The following ETS1 variants were observed in gnomAD, a reference collection of about 807,000 sequenced individuals.
The protein encoded by ETS1 is ETS proto-oncogene 1, transcription factor, also known as protein C-ets-1.
ETS1 carries 15 observed loss-of-function variants against 58.6 expected under a neutral mutation model. That is an observed-to-expected ratio of 0.26 (90% confidence interval 0.17 to 0.39). The LOEUF (loss-of-function observed/expected upper bound fraction) is 0.39, where lower values mean the gene tolerates loss of function less well. Ranked by LOEUF, ETS1 falls within the 10% of genes least tolerant of loss-of-function variation. The pLI, the probability that ETS1 is intolerant of heterozygous loss-of-function variation, is 1.00. For synonymous variants in ETS1, 214 were observed against 218.2 expected (o/e 0.98, Z 0.17); for missense variants, 417 against 610.5 (o/e 0.68, Z 3.34).
At chr11:128,490,320 C>T (rs1862761248) in intron 4 of ETS1, 137 bp downstream of exon 4, 2 of 833,216 alleles carry the variant, frequency 2.4e-6, no homozygotes, top group Non-Finnish European at 1.9e-6. Context: ...ATTGTCCTAA[C>T]AGATGGCAGC....
intron 1 of ETS1, among the ~76,000 whole-genome samples, chr11:128,585,502 C>A (rs576537741): frequency 1.3e-5 from 2 of 152,300 alleles, no homozygotes; most frequent in Admixed American, 1.3e-4. Flanking sequence ...CAAGGTACAT[C>A]AGAACCTCAG....
rs116799516 is a variant in ETS1 at position 128,496,197 on chromosome 11, T to A, written c.215-5621A>T. On this transcript the variant is annotated intron_variant, in intron 3 of 9. Coordinates refer to ENST00000392668, the MANE Select transcript of ETS1 (RefSeq NM_001143820.2). ...CTCATGCTTAAATCTAGGTCTATAT[T>A]TCATGCATTGGCCCACTTGAACCAC... 6.5e-3 allele frequency among the ~76,000 whole-genome samples: 988 copies of A among 152,192 alleles called. 7 individuals carry two copies. The highest frequency in any genetic ancestry group is 0.022 in the African/African-American group (912 of 41,514).
intron 3 of ETS1, among the ~76,000 whole-genome samples, chr11:128,499,939 A>G (rs556267707): frequency 6.6e-6 from 1 of 152,222 alleles, no homozygotes; most frequent in Non-Finnish European, 1.5e-5. Flanking sequence ...TTTAGGCTGG[A>G]AGAGGTAAAG....
chr11:128,466,128 G>A lies in ETS1; in HGVS notation c.1124-2501C>T, dbSNP rs1862027494. Among the ~76,000 whole-genome samples the A allele has an allele frequency of 2.6e-5, 4 of 152,182 alleles. No homozygotes were observed. In the South Asian group the frequency reaches 6.2e-4, roughly 24 times the overall value. The stretch of plus-strand genomic sequence containing the variant: ...TAGCCAGTGGTTCTCCCAGTCATCC[G>A]ACCACCAGTGGCCGTGCCAGGCCCC... On this transcript the variant is annotated intron_variant, in intron 8 of 9. Coordinates refer to ENST00000392668, the MANE Select transcript of ETS1 (RefSeq NM_001143820.2).
At chr11:128,539,378 G>A (rs1306503895) in intron 3 of ETS1, among the ~76,000 whole-genome samples, 1 of 152,092 alleles carries the variant, frequency 6.6e-6, no homozygotes, top group Admixed American at 6.6e-5. Flanking sequence ...ATTTAAAAAC[G>A]GGCCAAGGAT....
intron 4 of ETS1, 134 bp downstream of exon 4, chr11:128,490,323 A>G: frequency 1.2e-6 from 1 of 845,202 alleles, no homozygotes; most frequent in Non-Finnish European, 1.9e-6. Flanking sequence ...GTCCTAACAG[A>G]TGGCAGCCAT....
At chr11:128,496,620 G>A (rs1190881116) in intron 3 of ETS1, among the ~76,000 whole-genome samples, 1 of 152,160 alleles carries the variant, frequency 6.6e-6, no homozygotes, top group Non-Finnish European at 1.5e-5. Context: ...TGGTCTACAA[G>A]AGGATTCTCC....
At chr11:128,577,377 T>G (rs1301470645) in intron 1 of ETS1, among the ~76,000 whole-genome samples, 1 of 152,218 alleles carries the variant, frequency 6.6e-6, no homozygotes, top group Non-Finnish European at 1.5e-5. Context: ...TCACCGCATA[T>G]GAATAGCAGC....
chr11:128,501,895 C>T (rs1490391803), intron 3 of ETS1, among the ~76,000 whole-genome samples: 2 of 152,108 alleles, frequency 1.3e-5, no homozygotes, highest in Non-Finnish European at 1.5e-5. Context: ...GTTCTCCCCT[C>T]GAGTTTCTAA....
intron 3 of ETS1, among the ~76,000 whole-genome samples, chr11:128,493,138 A>G (rs541875178): frequency 1.3e-5 from 2 of 152,346 alleles, no homozygotes; most frequent in African/African-American, 4.8e-5. Flanking sequence ...GTTCTGCTGT[A>G]GCGGGAACTG....
chr11:128,571,515 A>AGC (rs1864632745), intron 2 of ETS1, among the ~76,000 whole-genome samples: 7 of 9,096 alleles, frequency 7.7e-4, no homozygotes, highest in African/African-American at 2.5e-3. Context: ...AAAAAAAAAA[A>AGC]AAAAAAAAAA....
chr11:128,481,842 C>A (rs917643165), intron 7 of ETS1, among the ~76,000 whole-genome samples: 2 of 152,110 alleles, frequency 1.3e-5, no homozygotes, highest in Admixed American at 1.3e-4. Flanking sequence ...TTTAAAGATC[C>A]GGATAAAATG....
At chr11:128,570,459 C>T (rs1289958317) in intron 2 of ETS1, among the ~76,000 whole-genome samples, 1 of 152,084 alleles carries the variant, frequency 6.6e-6, no homozygotes, top group Non-Finnish European at 1.5e-5. Context: ...CCAGGCTGGT[C>T]TCAAACTCCT....
intron 3 of ETS1, among the ~76,000 whole-genome samples, chr11:128,514,655 G>C (rs891968509): frequency 1.3e-5 from 2 of 152,032 alleles, no homozygotes; most frequent in Non-Finnish European, 2.9e-5. Context: ...GTAAACACTG[G>C]TCCTCCTGCA....
intron 3 of ETS1, among the ~76,000 whole-genome samples, chr11:128,521,148 AT>A (rs1281221912): frequency 6.6e-6 from 1 of 151,126 alleles, no homozygotes; most frequent in Non-Finnish European, 1.5e-5. Flanking sequence ...AAAAAAAAAA[AT>A]TACTTCCTAT....
rs560649102 is a variant in ETS1, at chr11:128,476,999, G to GT, written c.1123+3191dup. Among the ~76,000 whole-genome samples, 511 of 152,362 alleles carry GT rather than the reference G, an allele frequency of 3.4e-3. 4 individuals carry two copies. The highest frequency in any genetic ancestry group is 4.6e-3 in the Non-Finnish European group (316 of 68,036). ...ATTTTCTTATCTTTGGAGGAAGAAT[G>GT]TAACTGTGCAGGAGAATGTGAAAAT... is the stretch of plus-strand genomic sequence containing the variant. On this transcript the variant is annotated intron_variant, in intron 8 of 9. Transcript: ENST00000392668.
intron 3 of ETS1, among the ~76,000 whole-genome samples, chr11:128,510,480 A>C (rs758310775): frequency 2.6e-5 from 4 of 152,314 alleles, no homozygotes; most frequent in Non-Finnish European, 5.9e-5. Context: ...AAATATTCAA[A>C]CCGGGCAAAG....
intron 8 of ETS1, among the ~76,000 whole-genome samples, chr11:128,465,200 T>C (rs1335940637): frequency 6.6e-6 from 1 of 152,196 alleles, no homozygotes; most frequent in Non-Finnish European, 1.5e-5. Context: ...AAACATGAAA[T>C]AGCTCTACCT....
intron 8 of ETS1, among the ~76,000 whole-genome samples, chr11:128,465,077 A>C (rs1301846377): frequency 6.6e-6 from 1 of 152,180 alleles, no homozygotes; most frequent in African/African-American, 2.4e-5. Flanking sequence ...GAAGTAAAGA[A>C]ACAGCTACTG....
Sources: allele counts gnomAD v4.1 joint callset (sites outside exome capture counted in the v4.1 genomes callset), GRCh38; gene constraint gnomAD v4.1.1; transcripts MANE v1.5; gene names NCBI Gene and HGNC (gene_info 2026-07-23, HGNC 2026-07-21).